The following ZDHHC14 variants were observed in gnomAD, a reference collection of about 807,000 sequenced individuals.
The protein encoded by ZDHHC14 is zDHHC palmitoyltransferase 14.
A neutral mutation model predicts 47.7 loss-of-function variants in ZDHHC14; 16 were observed. That is an observed-to-expected ratio of 0.34 (90% CI 0.23 to 0.51). The LOEUF is 0.51. Ranked by LOEUF, ZDHHC14 falls within the 20% of genes least tolerant of loss-of-function variation. The pLI, the probability that ZDHHC14 is intolerant of heterozygous loss-of-function variation, is 0.97. For synonymous variants in ZDHHC14, 293 were observed against 278.9 expected (o/e 1.05, Z -0.50); for missense variants, 515 against 662.5 (o/e 0.78, Z 2.44).
At chr6:157,512,126 G>C (rs1265736500) in intron 1 of ZDHHC14, among the ~76,000 whole-genome samples, 1 of 152,222 alleles carries the variant, frequency 6.6e-6, no homozygotes, top group Non-Finnish European at 1.5e-5. Context: ...TCCTGCGGTA[G>C]GTCCAATTAT....
intron 1 of ZDHHC14, among the ~76,000 whole-genome samples, chr6:157,539,901 C>T (rs781332566): frequency 4.1e-4 from 62 of 152,118 alleles, no homozygotes; most frequent in Non-Finnish European, 7.2e-4. Flanking sequence ...CTACTTAAAG[C>T]GACAAGGACT....
chr6:157,587,426 A>T (rs1295987748), intron 2 of ZDHHC14, among the ~76,000 whole-genome samples: 2 of 152,174 alleles, frequency 1.3e-5, no homozygotes, highest in Non-Finnish European at 2.9e-5. Flanking sequence ...TTTGGAGCTC[A>T]GCACCTCTCC....
At chr6:157,503,541 A>G (rs574852652) in intron 1 of ZDHHC14, among the ~76,000 whole-genome samples, 2 of 152,296 alleles carry the variant, frequency 1.3e-5, no homozygotes, top group African/African-American at 4.8e-5. Flanking sequence ...ATCAGCCACA[A>G]TGCTCATTAC....
chr6:157,547,283 C>G (rs763138948), intron 2 of ZDHHC14, among the ~76,000 whole-genome samples: 1 of 152,178 alleles, frequency 6.6e-6, no homozygotes, highest in African/African-American at 2.4e-5. Context: ...TCTTGTAGTA[C>G]GCAGAACCAA....
At chr6:157,414,554 A>G (rs1436276859) in intron 1 of ZDHHC14, among the ~76,000 whole-genome samples, 2 of 152,220 alleles carry the variant, frequency 1.3e-5, no homozygotes, top group Non-Finnish European at 2.9e-5. Flanking sequence ...GTATATGACT[A>G]TGAGATGTTG....
At chr6:157,601,123 A>G (rs1226308554) in intron 3 of ZDHHC14, among the ~76,000 whole-genome samples, 1 of 152,230 alleles carries the variant, frequency 6.6e-6, no homozygotes, top group East Asian at 1.9e-4. Context: ...TAATGAGTTC[A>G]TGTTGTTTGA....
At position 157,593,065 on chromosome 6, in the gene ZDHHC14, G is replaced by A. The variant is rs754409889; in HGVS notation, c.484G>A (p.Val162Met). ...AGAAGTCATCATCAATGGCCAGACC[G>A]TGAAACTTAAATACTGTTTCACCTG... ...TKEVIINGQT[V>M]KLKYCFTCKI... is the part of the protein sequence containing the mutation. The change falls in exon 3 of 9, where the codon GTG becomes ATG. Residue 162 changes from valine (V) to methionine (M), a missense_variant. Around this residue, in one of 4 missense-constraint regions of ZDHHC14, gnomAD observed 229 missense variants for 351.5 expected, o/e 0.65. Coordinates refer to ENST00000359775, the MANE Select transcript of ZDHHC14 (RefSeq NM_024630.3). The A allele has an allele frequency of 1.9e-6, 3 of 1,614,142 alleles. No homozygotes were observed. The highest frequency in any genetic ancestry group is 2.5e-6 in the Non-Finnish European group (3 of 1,179,998).
At chr6:157,619,209 C>T (rs1380004639) in intron 3 of ZDHHC14, among the ~76,000 whole-genome samples, 4 of 149,630 alleles carry the variant, frequency 2.7e-5, no homozygotes, top group South Asian at 2.1e-4. Context: ...GGTGAAACGC[C>T]GTCTCTACTA....
chr6:157,526,357 G>A (rs967864809), intron 1 of ZDHHC14, among the ~76,000 whole-genome samples: 6 of 152,020 alleles, frequency 3.9e-5, no homozygotes, highest in Non-Finnish European at 5.9e-5. Context: ...CCCAGTGCCC[G>A]GCGTCCACTC....
intron 1 of ZDHHC14, among the ~76,000 whole-genome samples, chr6:157,500,479 A>T (rs1243504352): frequency 6.6e-6 from 1 of 152,140 alleles, no homozygotes; most frequent in Non-Finnish European, 1.5e-5. Context: ...AGGAAATGGG[A>T]AATTACAGAA....
intron 1 of ZDHHC14, among the ~76,000 whole-genome samples, chr6:157,482,891 C>T (rs530434138): frequency 1.3e-5 from 2 of 152,106 alleles, no homozygotes; most frequent in Non-Finnish European, 1.5e-5. Context: ...TACAGGCATG[C>T]TCCACCAAGC....
At chr6:157,664,578 T>C (rs1270235734) in intron 8 of ZDHHC14, among the ~76,000 whole-genome samples, 2 of 152,212 alleles carry the variant, frequency 1.3e-5, no homozygotes, top group Non-Finnish European at 2.9e-5. Context: ...AAATTCTGTC[T>C]TCTCTGAAGA....
At chr6:157,482,262 T>C (rs1779649689) in intron 1 of ZDHHC14, among the ~76,000 whole-genome samples, 1 of 101,314 alleles carries the variant, frequency 9.9e-6, no homozygotes, top group Non-Finnish European at 2.6e-5. Context: ...TTTCTTTTCT[T>C]TTTTTTTTTT....
chr6:157,549,671 G>A (rs895115962), intron 2 of ZDHHC14, among the ~76,000 whole-genome samples: 2 of 152,322 alleles, frequency 1.3e-5, no homozygotes, highest in South Asian at 2.1e-4. Flanking sequence ...CAGCCTGGGA[G>A]AACTGGAAAC....
rs112716522 is a variant in ZDHHC14 at position 157,579,321 on chromosome 6, C to T, written c.407-13667C>T. ...CATGCCATTCTCCTGCCTCAGCCTC[C>T]GAAGCAGCTGGGACTACAGGTGCCT... On this transcript the variant is annotated intron_variant, in intron 2 of 8. Coordinates refer to ENST00000359775, the MANE Select transcript of ZDHHC14 (RefSeq NM_024630.3). 3.0e-4 allele frequency among the ~76,000 whole-genome samples: 45 copies of T among 150,620 alleles called. 1 individual carries two copies. In the South Asian group the frequency reaches 6.5e-3, roughly 22 times the overall value.
intron 1 of ZDHHC14, among the ~76,000 whole-genome samples, chr6:157,426,110 A>T (rs939865744): frequency 5.9e-5 from 9 of 152,128 alleles, no homozygotes; most frequent in African/African-American, 2.2e-4. Context: ...CAGGGGTGGA[A>T]GGTCTAAAGG....
At chr6:157,441,946 G>T (rs922013117) in intron 1 of ZDHHC14, among the ~76,000 whole-genome samples, 1 of 152,224 alleles carries the variant, frequency 6.6e-6, no homozygotes, top group Non-Finnish European at 1.5e-5. Flanking sequence ...TTTAGCATTA[G>T]CATTACAGTT....
At chr6:157,645,865 G>C in intron 6 of ZDHHC14, 26 bp downstream of exon 6, 2 of 1,602,380 alleles carry the variant, frequency 1.2e-6, no homozygotes, top group South Asian at 2.2e-5. Flanking sequence ...CACGGGACAC[G>C]GGCGTGTTCT....
At chr6:157,631,048 C>CCA (rs74631229) in intron 4 of ZDHHC14, 67,285 of 150,822 alleles carry the variant, frequency 0.45, 15,631 homozygotes, top group East Asian at 0.86. Flanking sequence ...ACCCTTACCC[C>CCA]CACACACCCT....
Sources: allele counts gnomAD v4.1 joint callset (sites outside exome capture counted in the v4.1 genomes callset), GRCh38; gene constraint gnomAD v4.1.1; regional missense constraint gnomAD v4.1.1; transcripts MANE v1.5; gene names NCBI Gene and HGNC (gene_info 2026-07-23, HGNC 2026-07-21).